The following WWP1 variants were observed in gnomAD, a reference collection of about 807,000 sequenced individuals.
WWP1 encodes the protein NEDD4-like E3 ubiquitin-protein ligase WWP1.
Under a neutral mutation model 130.6 loss-of-function variants are expected in WWP1, and 49 were observed. That is an observed-to-expected ratio of 0.38 (90% CI 0.30 to 0.48). The LOEUF (loss-of-function observed/expected upper bound fraction) is 0.48. Among genes scored for constraint, WWP1 ranks in the 20% least tolerant of loss-of-function variants. WWP1 has a pLI of 0.99. For synonymous variants in WWP1, 332 were observed against 367.8 expected (o/e 0.90, Z 1.11); for missense variants, 809 against 1,100.6 (o/e 0.74, Z 3.75).
Position 86,406,871 on chromosome 8 carries a change from A to G in WWP1, c.725-4667A>G, listed in dbSNP as rs151299736. ...TCATTTCTCATGTCATAGTTTTAAAATGGAGTAAAAATGGTATTCACTCTA... is the reference window on the plus strand; with the variant it reads ...TCATTTCTCATGTCATAGTTTTAAAGTGGAGTAAAAATGGTATTCACTCTA... On this transcript the variant is annotated intron_variant, in intron 8 of 24. Transcript: ENST00000517970. Among the ~76,000 whole-genome samples the G allele has an allele frequency of 1.4e-4, 22 of 152,340 alleles. 1 individual carries two copies. Among genetic ancestry groups the G allele is most frequent in the African/African-American group, 3.6e-4 (15 of 41,588 alleles).
intron 1 of WWP1, among the ~76,000 whole-genome samples, chr8:86,349,266 G>T (rs1001441045): frequency 1.3e-5 from 2 of 152,184 alleles, no homozygotes; most frequent in Non-Finnish European, 2.9e-5. Flanking sequence ...TGATCTGTCC[G>T]CCTCGGCCTC....
At position 86,427,714 on chromosome 8, in the gene WWP1, A is replaced by T. The variant is rs1307660179; in HGVS notation, c.1229A>T (p.Gln410Leu). The T allele has an allele frequency of 6.2e-7, 1 of 1,614,128 alleles. No individual in the cohort carries two copies. Among genetic ancestry groups the T allele is most frequent in the Non-Finnish European group, 8.5e-7 (1 of 1,179,990 alleles). The change falls in exon 11 of 25, where the codon CAG becomes CTG. Residue 410 changes from glutamine to leucine, a missense_variant. Gln to Leu is a moderately radical substitution (Grantham distance 113, BLOSUM62 -2). This residue lies in a region of WWP1 where 450 missense variants were observed against 674.2 expected (regional missense o/e 0.67). Transcript: ENST00000517970. ...CATAACACCAGAACAACAACGTGGC[A>T]GCGGCCTACCATGGAATCTGTCCGA... ...VDHNTRTTTW[Q>L]RPTMESVRNF...
intron 16 of WWP1, 90 bp from the exon 17 acceptor site, chr8:86,438,495 T>C (rs1347625797): frequency 1.4e-5 from 14 of 994,786 alleles, no homozygotes; most frequent in African/African-American, 3.3e-5. Flanking sequence ...AAATGTGTTA[T>C]TTTGAAAATA....
At position 86,468,479 on chromosome 8, in the gene WWP1, A is replaced by C; in HGVS notation, c.*1586A>C. The C allele has an allele frequency of 2.4e-6, 1 of 424,792 alleles. No individual in the cohort carries two copies. Among genetic ancestry groups the C allele is most frequent in the Non-Finnish European group, 4.6e-6 (1 of 217,366 alleles). 26.3% of individuals were successfully genotyped at this position (424,792 alleles called of 1,614,324 possible). On this transcript the variant is annotated 3_prime_UTR_variant, in exon 25 of 25. Transcript: ENST00000517970. ...TGTGACAGGTTATGTGATAGAGGGA[A>C]ACTGGCCTTCAAAAAGGACTGCGTA... is the stretch of plus-strand genomic sequence containing the variant.
Position 86,411,729 on chromosome 8 carries a change from G to C in WWP1, c.916G>C (p.Glu306Gln), listed in dbSNP as rs760773219. ...TTCTACCAGTGCAGAATTGGAATCTGAAGCTAGAAGTATATTAGAGCCTGA... is the reference window on the plus strand; with the variant it reads ...TTCTACCAGTGCAGAATTGGAATCTCAAGCTAGAAGTATATTAGAGCCTGA... ...IPSTSAELES[E>Q]ARSILEPDTS... Residue 306 changes from glutamate (E) to glutamine (Q), a missense_variant, in exon 9 of 25, where the codon GAA (glutamate) becomes CAA (glutamine). By Grantham distance (29) the Glu-to-Gln change is conservative (BLOSUM62 2). Coordinates refer to ENST00000517970, the MANE Select transcript of WWP1 (RefSeq NM_007013.4). 1 of 1,614,188 alleles carries C rather than the reference G, an allele frequency of 6.2e-7. No homozygotes were observed.
intron 1 of WWP1, 146 bp from the exon 2 acceptor site, chr8:86,368,793 T>C (rs1175522164): frequency 6.6e-6 from 1 of 152,198 alleles, no homozygotes; most frequent in Non-Finnish European, 1.5e-5. Flanking sequence ...GACGCAGTTC[T>C]CTCAGAGGTT....
At chr8:86,439,680 A>G (rs1462213502) in intron 17 of WWP1, among the ~76,000 whole-genome samples, 1 of 152,232 alleles carries the variant, frequency 6.6e-6, no homozygotes, top group Non-Finnish European at 1.5e-5. Flanking sequence ...CATTCACTAA[A>G]TATATTGTTA....
At chr8:86,403,854 T>G (rs1309946410) in intron 8 of WWP1, among the ~76,000 whole-genome samples, 1 of 152,164 alleles carries the variant, frequency 6.6e-6, no homozygotes, top group Non-Finnish European at 1.5e-5. Context: ...ATAGATACAA[T>G]TATGGTGAAA....
At chr8:86,453,178 A>G (rs1279786282) in intron 21 of WWP1, among the ~76,000 whole-genome samples, 3 of 152,132 alleles carry the variant, frequency 2.0e-5, no homozygotes, top group Non-Finnish European at 2.9e-5. Context: ...CTGAAACTCT[A>G]TGTCCATTAG....
intron 18 of WWP1, among the ~76,000 whole-genome samples, chr8:86,443,186 C>A (rs1810683620): frequency 6.6e-6 from 1 of 152,120 alleles, no homozygotes; most frequent in African/African-American, 2.4e-5. Context: ...GATCCTCCCA[C>A]CTCAGCCTCC....
In WWP1 at chr8:86,388,946, CTT is replaced by C. The variant is rs761302757; in HGVS notation, c.334+7319_334+7320del. 9.2e-5 allele frequency among the ~76,000 whole-genome samples: 14 copies of C among 152,154 alleles called. 1 individual carries two copies. The East Asian group carries it at 1.7e-3, about 19-fold the overall frequency. ...TTATGACTTTTTGAAATAAAGATGA[CTT>C]TGTTGTTTTGATATGTTTGGTTCAA... On this transcript the variant is annotated intron_variant, in intron 5 of 24. Transcript: ENST00000517970.
At chr8:86,390,387 C>T (rs1342531647) in intron 5 of WWP1, among the ~76,000 whole-genome samples, 1 of 152,170 alleles carries the variant, frequency 6.6e-6, no homozygotes, top group Non-Finnish European at 1.5e-5. Context: ...CACGCCACTG[C>T]ACTCCAGCCT....
chr8:86,372,916 A>G (rs1054452864), intron 2 of WWP1, among the ~76,000 whole-genome samples: 1 of 151,706 alleles, frequency 6.6e-6, no homozygotes, highest in Non-Finnish European at 1.5e-5. Context: ...GGTTTGTTCT[A>G]TTTTTCTCTT....
intron 1 of WWP1, among the ~76,000 whole-genome samples, chr8:86,359,058 T>A (rs753988766): frequency 2.0e-5 from 3 of 152,170 alleles, no homozygotes; most frequent in African/African-American, 4.8e-5. Context: ...TGTATGAGAA[T>A]CACCTAGAAT....
intron 21 of WWP1, 152 bp downstream of exon 21, chr8:86,452,831 T>C: frequency 2.1e-6 from 2 of 971,470 alleles, no homozygotes; most frequent in East Asian, 2.5e-5. Context: ...GTATTTATTC[T>C]AGCATTGGGT....
At chr8:86,435,320 G>T (rs1232310595) in intron 14 of WWP1, 132 bp from the exon 15 acceptor site, 1 of 891,216 alleles carries the variant, frequency 1.1e-6, no homozygotes, top group African/African-American at 1.7e-5. Flanking sequence ...CACCATGTAT[G>T]TATACCCTTC....
rs181180574 is a variant in WWP1 at position 86,369,852 on chromosome 8, A to G, written c.-22+821A>G. 2.0e-3 allele frequency among the ~76,000 whole-genome samples: 306 copies of G among 152,244 alleles called. 4 individuals are homozygous for G. The highest frequency in any genetic ancestry group is 7.0e-3 in the African/African-American group (289 of 41,556). On this transcript the variant is annotated intron_variant, in intron 2 of 24. Transcript: ENST00000517970. ...CCCCAGTAATTACACTTGATGAGTT[A>G]GTGATTTATACTTTACTGTATCTAC... is the stretch of plus-strand genomic sequence containing the variant.
chr8:86,466,790 T>C lies in WWP1; in HGVS notation c.2670-4T>C. On this transcript the variant is annotated splice_region_variant and splice_polypyrimidine_tract_variant and intron_variant, in intron 24 of 24. Transcript: ENST00000517970. ...CATCTGATTTTGTTTTTGTTTCTGT[T>C]CAGTTTTAATCGCTTGGATCTACCA... The C allele has an allele frequency of 1.3e-6, 2 of 1,555,512 alleles. No homozygotes were observed. Among genetic ancestry groups the C allele is most frequent in the Non-Finnish European group, 1.7e-6 (2 of 1,156,570 alleles).
At chr8:86,374,331 T>C (rs538777325) in intron 3 of WWP1, among the ~76,000 whole-genome samples, 1 of 152,340 alleles carries the variant, frequency 6.6e-6, no homozygotes, top group East Asian at 1.9e-4. Flanking sequence ...AGAGAAGATA[T>C]AGCCTCTGTA....
Sources: allele counts gnomAD v4.1 joint callset (sites outside exome capture counted in the v4.1 genomes callset), GRCh38; gene constraint gnomAD v4.1.1; regional missense constraint gnomAD v4.1.1; transcripts MANE v1.5; gene names NCBI Gene and HGNC (gene_info 2026-07-23, HGNC 2026-07-21).